Variants in DOCK5 observed in about 807,000 individuals in gnomAD.
The protein encoded by DOCK5 is dedicator of cytokinesis 5, also known as dedicator of cytokinesis protein 5.
In DOCK5, 142 loss-of-function variants were observed where a neutral mutation model predicts 251.8. That is an observed-to-expected ratio of 0.56 (90% CI 0.49 to 0.65). The LOEUF is 0.65. Among genes scored for constraint, DOCK5 ranks in the 30% least tolerant of loss-of-function variants. The probability of loss-of-function intolerance (pLI) is 0.00; values close to 1 mark genes in which losing one functional copy is unlikely to be tolerated. For missense variants in DOCK5, 2,111 were observed against 2,312.3 expected (o/e 0.91, Z 1.79); for synonymous variants, 842 against 835.5 (o/e 1.01, Z -0.13).
intron 6 of DOCK5, among the ~76,000 whole-genome samples, chr8:25,292,772 C>T (rs1804527257): frequency 2.0e-5 from 3 of 152,108 alleles, no homozygotes; most frequent in Admixed American, 2.0e-4. Context: ...CTGAAAATGA[C>T]CAAGCCTCTG....
chr8:25,410,329 C>T, intron 51 of DOCK5, 127 bp downstream of exon 51: 1 of 749,152 alleles, frequency 1.3e-6, no homozygotes, highest in Non-Finnish European at 2.2e-6. Flanking sequence ...ATTCTTGGCT[C>T]ATTCCTGAAA....
intron 1 of DOCK5, among the ~76,000 whole-genome samples, chr8:25,226,290 C>G: frequency 9.3e-6 from 1 of 107,504 alleles, no homozygotes; most frequent in South Asian, 3.2e-4. Flanking sequence ...TGGACAGAGT[C>G]TCACTCTGTC....
At chr8:25,269,676 G>A (rs1803854587) in intron 3 of DOCK5, among the ~76,000 whole-genome samples, 1 of 151,136 alleles carries the variant, frequency 6.6e-6, no homozygotes, top group South Asian at 2.1e-4. Flanking sequence ...TTTAGGTCTT[G>A]TCAGCACTTT....
intron 1 of DOCK5, among the ~76,000 whole-genome samples, chr8:25,227,873 T>TTTG (rs370901349): frequency 5.9e-5 from 9 of 152,128 alleles, no homozygotes; most frequent in South Asian, 4.1e-4. Context: ...TTTCTGTGCT[T>TTTG]TTGTTGTTGT....
At chr8:25,308,759 T>TA (rs1420571369) in intron 11 of DOCK5, 24 bp from the exon 12 acceptor site, 1 of 1,612,528 alleles carries the variant, frequency 6.2e-7, no homozygotes, top group Admixed American at 1.7e-5. Flanking sequence ...CCTCCCACCT[T>TA]ACCTCTTATT....
intron 27 of DOCK5, among the ~76,000 whole-genome samples, chr8:25,355,096 T>C (rs1197529979): frequency 2.6e-5 from 4 of 152,140 alleles, no homozygotes; most frequent in Non-Finnish European, 4.4e-5. Context: ...TAGCCAGGCA[T>C]GGCAGCATGT....
At chr8:25,310,222 A>G (rs1302462568) in intron 12 of DOCK5, among the ~76,000 whole-genome samples, 185 bp from the exon 13 acceptor site, 1 of 152,030 alleles carries the variant, frequency 6.6e-6, no homozygotes, top group African/African-American at 2.4e-5. Flanking sequence ...TCTCTGTCAA[A>G]TTCTCAAAGA....
rs1489557315 is a variant in DOCK5 at position 25,363,068 on chromosome 8, A to T, written c.2971A>T (p.Ile991Phe). 2 of 1,613,852 alleles carry T rather than the reference A, an allele frequency of 1.2e-6. No homozygotes were observed. The highest frequency in any genetic ancestry group is 1.7e-6 in the Non-Finnish European group (2 of 1,179,878). Residue 991 changes from isoleucine to phenylalanine, a missense_variant, in exon 29 of 52, where the codon ATC becomes TTC. Around this residue, in one of 3 missense-constraint regions of DOCK5, gnomAD observed 1,717 missense variants for 1,892.4 expected, o/e 0.91. Coordinates refer to ENST00000276440, the MANE Select transcript of DOCK5 (RefSeq NM_024940.8). ...GCAGGACTTCCTCATGGAAACTTTT[A>T]TCATGTTCAAGGACCTGATTGGAAA... ...DIIDFLMETF[I>F]MFKDLIGKNV...
chr8:25,345,926 T>C (rs1422266146), intron 26 of DOCK5, among the ~76,000 whole-genome samples: 2 of 152,138 alleles, frequency 1.3e-5, no homozygotes, highest in South Asian at 4.2e-4. Flanking sequence ...CTCGGCTCAC[T>C]GCAAGCTCCG....
chr8:25,328,872 C>T (rs1044659164), intron 18 of DOCK5, among the ~76,000 whole-genome samples: 5 of 152,196 alleles, frequency 3.3e-5, no homozygotes, highest in Non-Finnish European at 5.9e-5. Flanking sequence ...TTGCACCCTC[C>T]AGCACCAACT....
chr8:25,194,115 A>C (rs1801655749), intron 1 of DOCK5, among the ~76,000 whole-genome samples: 1 of 127,728 alleles, frequency 7.8e-6, no homozygotes, highest in African/African-American at 2.9e-5. Flanking sequence ...GCGAAACCCT[A>C]TCTCTAAAAA....
At chr8:25,312,942 A>G (rs1586319692) in intron 13 of DOCK5, among the ~76,000 whole-genome samples, 1 of 152,012 alleles carries the variant, frequency 6.6e-6, no homozygotes. Flanking sequence ...AAAAGAGAAA[A>G]AAATTCATCT....
chr8:25,377,428 A>C lies in DOCK5; in HGVS notation c.3936+4A>C, dbSNP rs1422619595. The C allele has an allele frequency of 6.2e-7, 1 of 1,612,424 alleles. No individual in the cohort carries two copies. Among genetic ancestry groups the C allele is most frequent in the African/African-American group, 1.3e-5 (1 of 74,832 alleles). On this transcript the variant is annotated splice_donor_region_variant and intron_variant, in intron 38 of 51. Transcript: ENST00000276440. The stretch of plus-strand genomic sequence containing the variant: ...ATCATATTTCGACAAAGGCAAAGTG[A>C]GTATTGGATTGTTTTTGTACTAGGG...
intron 27 of DOCK5, among the ~76,000 whole-genome samples, chr8:25,355,359 T>A (rs1042406375): frequency 1.1e-4 from 16 of 152,242 alleles, no homozygotes; most frequent in Non-Finnish European, 1.8e-4. Flanking sequence ...ATTGTCATTA[T>A]TTTTAGCTGA....
intron 1 of DOCK5, among the ~76,000 whole-genome samples, chr8:25,216,094 C>A (rs1802236538): frequency 6.6e-6 from 1 of 151,146 alleles, no homozygotes; most frequent in Admixed American, 6.6e-5. Flanking sequence ...CATATGTACA[C>A]AATGTCTATA....
chr8:25,404,631 G>T (rs777298594), intron 48 of DOCK5, among the ~76,000 whole-genome samples: 22 of 152,078 alleles, frequency 1.4e-4, no homozygotes, highest in Admixed American at 7.9e-4. Context: ...GCTTACTGGT[G>T]GTTATTCAGT....
intron 2 of DOCK5, among the ~76,000 whole-genome samples, chr8:25,254,192 A>G (rs1803350679): frequency 6.6e-6 from 1 of 152,238 alleles, no homozygotes; most frequent in Non-Finnish European, 1.5e-5. Context: ...ACATGCCGAA[A>G]TAATAATTTA....
chr8:25,285,798 A>G (rs539603850), intron 5 of DOCK5, among the ~76,000 whole-genome samples: 4 of 152,290 alleles, frequency 2.6e-5, no homozygotes, highest in Non-Finnish European at 4.4e-5. Flanking sequence ...AAATTCCCAT[A>G]GCAAACTTTG....
intron 38 of DOCK5, among the ~76,000 whole-genome samples, chr8:25,380,021 A>T (rs1278124219): frequency 6.6e-6 from 1 of 152,214 alleles, no homozygotes; most frequent in Admixed American, 6.5e-5. Context: ...TGACCTGTTA[A>T]ACACAGTATT....
Sources: gnomAD v4.1 joint callset for allele counts (sites outside exome capture counted in the v4.1 genomes callset) on GRCh38, gnomAD v4.1.1 for gene constraint, gnomAD v4.1.1 regional missense constraint, MANE v1.5 for transcripts, NCBI Gene and HGNC (gene_info 2026-07-23, HGNC 2026-07-21) for gene names.